The following KCNAB1 variants were observed in gnomAD, a reference collection of about 807,000 sequenced individuals.
KCNAB1 encodes the protein voltage-gated potassium channel subunit beta-1.
Under a neutral mutation model 64.6 loss-of-function variants are expected in KCNAB1, and 35 were observed. The observed-to-expected ratio is 0.54, with a 90% CI of 0.41 to 0.72. The LOEUF is 0.72. Ranked by LOEUF, KCNAB1 falls within the 30% of genes least tolerant of loss-of-function variation. The pLI is 0.00. For missense variants in KCNAB1, 401 were observed against 512.9 expected, an observed-to-expected ratio of 0.78 and a Z score of 2.11; for synonymous variants, 177 against 183.8, an observed-to-expected ratio of 0.96 and a Z score of 0.30.
intron 11 of KCNAB1, among the ~76,000 whole-genome samples, chr3:156,521,853 TA>T (rs1355099185): frequency 1.3e-5 from 2 of 152,044 alleles, no homozygotes; most frequent in African/African-American, 4.8e-5. Context: ...ATCTACTTTT[TA>T]AAAACCCTAA....
chr3:156,262,750 T>A (rs2108481304), intron 1 of KCNAB1, among the ~76,000 whole-genome samples: 1 of 152,032 alleles, frequency 6.6e-6, no homozygotes, highest in African/African-American at 2.4e-5. Flanking sequence ...TGTTACTATA[T>A]TGTCTTAAAA....
chr3:156,155,749 A>G (rs1715676780), intron 1 of KCNAB1, among the ~76,000 whole-genome samples: 1 of 152,252 alleles, frequency 6.6e-6, no homozygotes, highest in African/African-American at 2.4e-5. Flanking sequence ...GAGGTCCTCA[A>G]GAATGCTCTC....
At chr3:156,222,167 C>T (rs2108416444) in intron 1 of KCNAB1, among the ~76,000 whole-genome samples, 1 of 152,244 alleles carries the variant, frequency 6.6e-6, no homozygotes, top group African/African-American at 2.4e-5. Flanking sequence ...ACCAATTCTG[C>T]TACCTTCAGT....
At chr3:156,341,902 A>G (rs180831523) in intron 1 of KCNAB1, among the ~76,000 whole-genome samples, 1 of 152,134 alleles carries the variant, frequency 6.6e-6, no homozygotes, top group African/African-American at 2.4e-5. Flanking sequence ...ACTGGATGTG[A>G]CATTTAAAAT....
intron 1 of KCNAB1, among the ~76,000 whole-genome samples, chr3:156,155,135 T>G (rs1204281216): frequency 1.3e-5 from 2 of 152,212 alleles, no homozygotes. Context: ...ACAAAGCTAT[T>G]TTGTATGACC....
intron 1 of KCNAB1, among the ~76,000 whole-genome samples, chr3:156,205,534 T>C (rs2108385274): frequency 6.6e-6 from 1 of 152,322 alleles, no homozygotes; most frequent in Non-Finnish European, 1.5e-5. Context: ...CTTGTTAGTA[T>C]GCAGGTAAAT....
intron 1 of KCNAB1, among the ~76,000 whole-genome samples, chr3:156,154,504 G>A (rs1016439314): frequency 1.1e-4 from 17 of 152,066 alleles, no homozygotes; most frequent in Admixed American, 3.9e-4. Flanking sequence ...TAGCTGACTC[G>A]TCCTCCTAGA....
chr3:156,492,437 T>C (rs967107078), intron 8 of KCNAB1, among the ~76,000 whole-genome samples: 1 of 152,080 alleles, frequency 6.6e-6, no homozygotes, highest in South Asian at 2.1e-4. Flanking sequence ...TCCACTTTTT[T>C]TTAGCACTCA....
In KCNAB1 at chr3:156,151,765, A is replaced by G. The variant is rs564360467; in HGVS notation, c.275+30879A>G. ...AATTAACAACTTTGGTAAAATTTAC[A>G]TAAATATGATATTTTAATCTACCAT... On this transcript the variant is annotated intron_variant, in intron 1 of 13. Transcript: ENST00000490337. Among the ~76,000 whole-genome samples the G allele has an allele frequency of 3.9e-5, 6 of 152,320 alleles. No individual in the cohort carries two copies. The East Asian group carries it at 1.2e-3, about 29-fold the overall frequency.
chr3:156,158,808 C>T (rs1715908151), intron 1 of KCNAB1, among the ~76,000 whole-genome samples: 1 of 148,336 alleles, frequency 6.7e-6, no homozygotes. Context: ...CAGGGTTACA[C>T]CCTACCTCAT....
At chr3:156,453,489 CT>C (rs1393785511) in intron 3 of KCNAB1, among the ~76,000 whole-genome samples, 4 of 152,136 alleles carry the variant, frequency 2.6e-5, no homozygotes, top group African/African-American at 7.2e-5. Flanking sequence ...ACACATCATG[CT>C]TATCAGATGT....
chr3:156,255,739 C>T (rs1718066193), intron 1 of KCNAB1, among the ~76,000 whole-genome samples: 2 of 152,192 alleles, frequency 1.3e-5, no homozygotes, highest in Non-Finnish European at 2.9e-5. Flanking sequence ...GTAAATATCA[C>T]CTCCTCCATG....
intron 1 of KCNAB1, among the ~76,000 whole-genome samples, chr3:156,319,610 A>G (rs1349459037): frequency 6.6e-6 from 1 of 152,172 alleles, no homozygotes; most frequent in African/African-American, 2.4e-5. Context: ...ACCACACACA[A>G]CTTCACCTGC....
intron 1 of KCNAB1, among the ~76,000 whole-genome samples, chr3:156,167,272 G>T (rs897443184): frequency 6.6e-6 from 1 of 152,156 alleles, no homozygotes; most frequent in African/African-American, 2.4e-5. Flanking sequence ...TCAGACGGTG[G>T]CGTGTGAGAC....
At chr3:156,390,232 G>C (rs1161969627) in intron 1 of KCNAB1, among the ~76,000 whole-genome samples, 2 of 152,196 alleles carry the variant, frequency 1.3e-5, no homozygotes, top group South Asian at 4.1e-4. Flanking sequence ...CCAGGTCTGA[G>C]GGATAGACCA....
chr3:156,402,907 A>C (rs370633881), intron 1 of KCNAB1, among the ~76,000 whole-genome samples: 4 of 152,330 alleles, frequency 2.6e-5, no homozygotes, highest in African/African-American at 9.6e-5. Flanking sequence ...GAATTCTACT[A>C]AAATAGTCTA....
At chr3:156,267,700 C>G (rs1718799869) in intron 1 of KCNAB1, among the ~76,000 whole-genome samples, 1 of 151,994 alleles carries the variant, frequency 6.6e-6, no homozygotes, top group Admixed American at 6.6e-5. Context: ...CTATCTTTGC[C>G]CAGGTTCTTT....
At chr3:156,196,057 T>A (rs562852973) in intron 1 of KCNAB1, among the ~76,000 whole-genome samples, 2 of 152,214 alleles carry the variant, frequency 1.3e-5, no homozygotes, top group Non-Finnish European at 2.9e-5. Context: ...CTTTCCCCAT[T>A]TCTTGTTTTT....
intron 1 of KCNAB1, among the ~76,000 whole-genome samples, chr3:156,319,597 A>G (rs555441451): frequency 3.0e-4 from 46 of 152,320 alleles, no homozygotes; most frequent in African/African-American, 9.9e-4. Flanking sequence ...AGTGCTGTTG[A>G]TTACCACACA....
Sources: allele counts gnomAD v4.1 joint callset (sites outside exome capture counted in the v4.1 genomes callset), GRCh38; gene constraint gnomAD v4.1.1; transcripts MANE v1.5; gene names NCBI Gene and HGNC (gene_info 2026-07-23, HGNC 2026-07-21).